Variants in BICD1 observed in about 807,000 individuals in gnomAD.
The protein encoded by BICD1 is protein bicaudal D homolog 1.
Under a neutral mutation model 92.5 loss-of-function variants are expected in BICD1, and 35 were observed. The observed-to-expected ratio is 0.38, with a 90% confidence interval of 0.29 to 0.50. The LOEUF is 0.50. Ranked by LOEUF, BICD1 falls within the 20% of genes least tolerant of loss-of-function variation. BICD1 has a pLI of 0.93. For synonymous variants in BICD1, 429 were observed against 465.1 expected (o/e 0.92, Z 1.00); for missense variants, 950 against 1,189.8 (o/e 0.80, Z 2.97).
At chr12:32,260,223 C>A (rs544630789) in intron 2 of BICD1, among the ~76,000 whole-genome samples, 13 of 152,196 alleles carry the variant, frequency 8.5e-5, no homozygotes, top group Non-Finnish European at 1.3e-4. Context: ...CCACGCCCAG[C>A]CTCACTTTTT....
chr12:32,327,052 C>T (rs1948794507), intron 4 of BICD1, among the ~76,000 whole-genome samples: 1 of 152,130 alleles, frequency 6.6e-6, no homozygotes, highest in Admixed American at 6.5e-5. Flanking sequence ...GATTCATAGG[C>T]ACCCTGATAC....
At chr12:32,253,786 C>T (rs1156793123) in intron 2 of BICD1, among the ~76,000 whole-genome samples, 2 of 152,158 alleles carry the variant, frequency 1.3e-5, no homozygotes, top group Non-Finnish European at 2.9e-5. Context: ...TCTCACCTGT[C>T]ATATTCACTG....
At chr12:32,335,760 G>T (rs1466902977) in intron 6 of BICD1, among the ~76,000 whole-genome samples, 1 of 151,084 alleles carries the variant, frequency 6.6e-6, no homozygotes, top group African/African-American at 2.4e-5. Context: ...AATTTTTGTG[G>T]TTTTTGTGGA....
At chr12:32,278,159 C>T (rs1266022258) in intron 2 of BICD1, among the ~76,000 whole-genome samples, 1 of 152,188 alleles carries the variant, frequency 6.6e-6, no homozygotes, top group Non-Finnish European at 1.5e-5. Context: ...CCAGCCTTCA[C>T]CATTATTGCA....
intron 2 of BICD1, among the ~76,000 whole-genome samples, chr12:32,265,238 A>T (rs1358745745): frequency 6.6e-6 from 1 of 152,140 alleles, no homozygotes; most frequent in African/African-American, 2.4e-5. Flanking sequence ...TCAGTCTGAA[A>T]ACAGCTGCTT....
intron 2 of BICD1, among the ~76,000 whole-genome samples, chr12:32,259,882 G>A (rs1365542166): frequency 6.6e-6 from 1 of 151,666 alleles, no homozygotes; most frequent in African/African-American, 2.4e-5. Context: ...AACAAGCTGT[G>A]TGTCTGTGGG....
intron 4 of BICD1, among the ~76,000 whole-genome samples, chr12:32,320,606 A>C (rs1428451417): frequency 3.3e-5 from 5 of 152,196 alleles, no homozygotes; most frequent in African/African-American, 1.2e-4. Context: ...ACGCCACTGC[A>C]CTCCAGTCTG....
intron 4 of BICD1, among the ~76,000 whole-genome samples, chr12:32,308,296 T>C (rs1270630445): frequency 6.6e-6 from 1 of 152,156 alleles, no homozygotes; most frequent in Non-Finnish European, 1.5e-5. Context: ...GCTGGTTACA[T>C]TTCCTCAGTT....
At chr12:32,178,990 G>A (rs544014278) in intron 1 of BICD1, among the ~76,000 whole-genome samples, 8 of 152,036 alleles carry the variant, frequency 5.3e-5, no homozygotes, top group African/African-American at 1.9e-4. Flanking sequence ...CTGTTCCTTG[G>A]TTAAAACAGC....
intron 1 of BICD1, among the ~76,000 whole-genome samples, chr12:32,129,962 A>G (rs975162343): frequency 6.6e-6 from 1 of 152,244 alleles, no homozygotes; most frequent in African/African-American, 2.4e-5. Context: ...TGGAAGAAAT[A>G]GTGCGATGTG....
intron 2 of BICD1, among the ~76,000 whole-genome samples, chr12:32,248,284 G>C (rs965844655): frequency 1.3e-5 from 2 of 152,174 alleles, no homozygotes; most frequent in African/African-American, 4.8e-5. Flanking sequence ...TGAGGTGATA[G>C]GAACCAAGGT....
intron 1 of BICD1, among the ~76,000 whole-genome samples, chr12:32,114,736 T>C (rs1181854251): frequency 6.6e-6 from 1 of 152,224 alleles, no homozygotes; most frequent in Non-Finnish European, 1.5e-5. Flanking sequence ...ATTTCTAGAA[T>C]ATGGGATATA....
At chr12:32,339,349 AT>A (rs1196800212) in intron 8 of BICD1, 1 of 996,460 alleles carries the variant, frequency 1.0e-6, no homozygotes, top group Non-Finnish European at 1.2e-6. Context: ...TTTTAATGTA[AT>A]TTCCGTAAAG....
Position 32,377,659 on chromosome 12 carries a change from G to A in BICD1, c.*32G>A, listed in dbSNP as rs373646559. ...TCTCCTGTGGACGAACATCTGGGGT[G>A]GAAGTTTTGTAGCCACACACAGGAT... On this transcript the variant is annotated 3_prime_UTR_variant, in exon 10 of 10. Coordinates refer to ENST00000652176, the MANE Select transcript of BICD1 (RefSeq NM_001714.4). 5 of 1,577,464 alleles carry A rather than the reference G, an allele frequency of 3.2e-6. No individual in the cohort carries two copies. Among genetic ancestry groups the A allele is most frequent in the Non-Finnish European group, 4.4e-6 (5 of 1,146,852 alleles).
At chr12:32,222,207 G>A (rs1222484018) in intron 2 of BICD1, among the ~76,000 whole-genome samples, 1 of 152,306 alleles carries the variant, frequency 6.6e-6, no homozygotes, top group South Asian at 2.1e-4. Flanking sequence ...GGGATAAAAA[G>A]ATGTCACATA....
At chr12:32,231,575 A>C (rs1353206573) in intron 2 of BICD1, among the ~76,000 whole-genome samples, 1 of 149,800 alleles carries the variant, frequency 6.7e-6, no homozygotes, top group African/African-American at 2.5e-5. Flanking sequence ...TTATTTATTT[A>C]TTTATTTATT....
At chr12:32,232,772 G>T (rs561921475) in intron 2 of BICD1, among the ~76,000 whole-genome samples, 1 of 152,244 alleles carries the variant, frequency 6.6e-6, no homozygotes, top group African/African-American at 2.4e-5. Context: ...TGTATAAGGT[G>T]TAAGGAAGGG....
At chr12:32,373,574 A>T (rs7976195) in intron 9 of BICD1, among the ~76,000 whole-genome samples, 55,933 of 151,996 alleles carry the variant, frequency 0.37, 10,531 homozygotes, top group East Asian at 0.43. Flanking sequence ...GTCTTCCTTT[A>T]TCAAAAAGAG....
intron 5 of BICD1, among the ~76,000 whole-genome samples, chr12:32,331,476 G>T (rs1937869039): frequency 6.6e-6 from 1 of 152,158 alleles, no homozygotes; most frequent in East Asian, 1.9e-4. Flanking sequence ...GACAAGAAAT[G>T]TTTCAGATTT....
Sources: gnomAD v4.1 joint callset for allele counts (sites outside exome capture counted in the v4.1 genomes callset) on GRCh38, gnomAD v4.1.1 for gene constraint, MANE v1.5 for transcripts, NCBI Gene and HGNC (gene_info 2026-07-23, HGNC 2026-07-21) for gene names.